The following ADGRB3 variants were observed in gnomAD, a reference collection of about 807,000 sequenced individuals.
The protein encoded by ADGRB3 is adhesion G protein-coupled receptor B3, also known as brain-specific angiogenesis inhibitor 3.
Under a neutral mutation model 193.4 loss-of-function variants are expected in ADGRB3, and 37 were observed. That is an observed-to-expected ratio of 0.19 (90% CI 0.15 to 0.25). ADGRB3 has a LOEUF of 0.25. Ranked by LOEUF, ADGRB3 falls within the 10% of genes least tolerant of loss-of-function variation. ADGRB3 has a pLI of 1.00. For missense variants in ADGRB3, 1,637 were observed against 1,852.9 expected, an observed-to-expected ratio of 0.88 and a Z score of 2.14; for synonymous variants, 690 against 644.2, an observed-to-expected ratio of 1.07 and a Z score of -1.08.
intron 10 of ADGRB3, 47 bp from the exon 11 acceptor site, chr6:68,993,721 T>C (rs745408266): frequency 3.9e-6 from 6 of 1,532,598 alleles, no homozygotes; most frequent in Non-Finnish European, 5.3e-6. Flanking sequence ...TTCAGATAAA[T>C]GGTAATGAAG....
rs1387180706 is a variant in ADGRB3 at position 68,661,389 on chromosome 6, ATGTGTGTATACATATATATG to A, written c.757+21968_757+21987del. Reference sequence around the variant, plus strand: ...TATATATATGTGTATACATATATATATGTGTGTATACATATATATGTGTGTGTATATATATGTGTATACAT... The same window carrying A: ...TATATATATGTGTATACATATATATATGTGTGTATATATATGTGTATACAT... On this transcript the variant is annotated intron_variant, in intron 3 of 31. Transcript: ENST00000370598. Among the ~76,000 whole-genome samples the A allele has an allele frequency of 1.9e-4, 17 of 90,046 alleles. No individual in the cohort carries two copies. The East Asian group carries it at 3.7e-3, about 20-fold the overall frequency. 59.1% of individuals were successfully genotyped at this position (90,046 alleles called of 152,430 possible). A position where few individuals can be genotyped will look rare whatever the true frequency, so the allele number is the denominator to read the frequency against.
intron 8 of ADGRB3, among the ~76,000 whole-genome samples, chr6:68,961,490 G>A (rs951284011): frequency 1.3e-5 from 2 of 152,144 alleles, no homozygotes; most frequent in African/African-American, 4.8e-5. Flanking sequence ...CATGGAGGAA[G>A]ATGAGGTCTT....
chr6:68,975,368 GCT>G, intron 10 of ADGRB3, 28 bp downstream of exon 10: 2 of 1,549,496 alleles, frequency 1.3e-6, no homozygotes, highest in Non-Finnish European at 8.9e-7. Context: ...TTTAGTACTT[GCT>G]CTGTTTATTT....
intron 20 of ADGRB3, among the ~76,000 whole-genome samples, chr6:69,259,224 G>A (rs1344919377): frequency 6.6e-6 from 1 of 152,120 alleles, no homozygotes; most frequent in East Asian, 1.9e-4. Flanking sequence ...CAGCTCCAAG[G>A]AGATGAGATT....
intron 3 of ADGRB3, among the ~76,000 whole-genome samples, chr6:68,640,253 G>A (rs765947778): frequency 2.0e-5 from 3 of 152,144 alleles, no homozygotes; most frequent in Non-Finnish European, 2.9e-5. Flanking sequence ...GAGAGGGAAT[G>A]TCTCAGAGCT....
intron 17 of ADGRB3, among the ~76,000 whole-genome samples, chr6:69,076,993 C>T (rs920520852): frequency 1.3e-5 from 2 of 151,854 alleles, no homozygotes; most frequent in Non-Finnish European, 2.9e-5. Context: ...AGATTGAAAC[C>T]TCGGACAATT....
At chr6:68,656,531 T>G (rs1054276268) in intron 3 of ADGRB3, among the ~76,000 whole-genome samples, 4 of 151,600 alleles carry the variant, frequency 2.6e-5, no homozygotes, top group Non-Finnish European at 4.4e-5. Flanking sequence ...ATTGCCAACA[T>G]AAACTTGTAA....
intron 20 of ADGRB3, among the ~76,000 whole-genome samples, chr6:69,252,278 A>G (rs763781730): frequency 1.3e-5 from 2 of 152,146 alleles, no homozygotes; most frequent in Admixed American, 1.3e-4. Context: ...GTATGACTAT[A>G]TCATGATTTG....
chr6:69,107,644 G>A (rs143475772), intron 17 of ADGRB3, among the ~76,000 whole-genome samples: 2 of 152,168 alleles, frequency 1.3e-5, no homozygotes, highest in Non-Finnish European at 2.9e-5. Context: ...GTCAACCTAG[G>A]TGCCCATCAG....
At chr6:69,029,492 T>C (rs1056310375) in intron 13 of ADGRB3, among the ~76,000 whole-genome samples, 5 of 152,348 alleles carry the variant, frequency 3.3e-5, no homozygotes, top group Admixed American at 3.3e-4. Flanking sequence ...AAGAAAATAC[T>C]CATAGTCTAA....
intron 3 of ADGRB3, among the ~76,000 whole-genome samples, chr6:68,864,789 G>A (rs1765247883): frequency 6.6e-6 from 1 of 152,154 alleles, no homozygotes; most frequent in Non-Finnish European, 1.5e-5. Flanking sequence ...AATCCCACCT[G>A]AAAATTCTGG....
chr6:68,722,999 A>G (rs895297148), intron 3 of ADGRB3, among the ~76,000 whole-genome samples: 1 of 151,744 alleles, frequency 6.6e-6, no homozygotes, highest in African/African-American at 2.4e-5. Flanking sequence ...GGGTTTTTTT[A>G]CAGGCATTCT....
intron 3 of ADGRB3, among the ~76,000 whole-genome samples, chr6:68,850,576 T>A (rs1768377322): frequency 2.5e-5 from 2 of 79,884 alleles, no homozygotes; most frequent in Admixed American, 1.2e-4. Context: ...TACTTGAAAT[T>A]GTATACTTCT....
At chr6:69,279,310 C>T (rs368097710) in intron 20 of ADGRB3, among the ~76,000 whole-genome samples, 77 of 151,844 alleles carry the variant, frequency 5.1e-4, no homozygotes, top group Admixed American at 1.6e-3. Context: ...CAGTGCACTA[C>T]GGAGTATCAG....
At chr6:69,104,207 C>T (rs1561920177) in intron 17 of ADGRB3, among the ~76,000 whole-genome samples, 1 of 129,436 alleles carries the variant, frequency 7.7e-6, no homozygotes, top group Non-Finnish European at 1.6e-5. Flanking sequence ...CCACAACAGT[C>T]CCCAGAGTGT....
chr6:69,047,629 T>C (rs1402506121), intron 13 of ADGRB3, among the ~76,000 whole-genome samples: 1 of 152,050 alleles, frequency 6.6e-6, no homozygotes, highest in Non-Finnish European at 1.5e-5. Context: ...AACTCTGACA[T>C]TATTGGTACC....
intron 17 of ADGRB3, among the ~76,000 whole-genome samples, chr6:69,134,482 C>G (rs528327045): frequency 6.6e-6 from 1 of 152,180 alleles, no homozygotes; most frequent in Admixed American, 6.6e-5. Context: ...TTTTACTTCC[C>G]TGTAATCCCC....
intron 3 of ADGRB3, among the ~76,000 whole-genome samples, chr6:68,830,451 T>G (rs923217985): frequency 6.6e-6 from 1 of 152,218 alleles, no homozygotes; most frequent in Non-Finnish European, 1.5e-5. Context: ...TTCTTCTATA[T>G]ATTATTTGCA....
chr6:68,977,023 T>C (rs1257489534), intron 10 of ADGRB3, among the ~76,000 whole-genome samples: 2 of 148,998 alleles, frequency 1.3e-5, no homozygotes, highest in African/African-American at 2.4e-5. Flanking sequence ...TATATTGATA[T>C]AAATTCAAAA....
Sources: allele counts gnomAD v4.1 joint callset (sites outside exome capture counted in the v4.1 genomes callset), GRCh38; gene constraint gnomAD v4.1.1; transcripts MANE v1.5; gene names NCBI Gene and HGNC (gene_info 2026-07-23, HGNC 2026-07-21).